The following ROBO1 variants were observed in gnomAD, a reference collection of about 807,000 sequenced individuals.
ROBO1 encodes the protein roundabout guidance receptor 1, also known as roundabout homolog 1.
ROBO1 carries 149 observed loss-of-function variants against 195.9 expected under a neutral mutation model. The ratio of observed to expected loss-of-function variants is 0.76; its 90% CI spans 0.67 to 0.87. The LOEUF (loss-of-function observed/expected upper bound fraction) is 0.87, where lower values mean the gene tolerates loss of function less well. ROBO1 is among the 40% of genes least tolerant of loss of function. ROBO1 has a pLI of 0.00. For missense variants in ROBO1, 1,933 were observed against 2,068.3 expected (o/e 0.93, Z 1.27); for synonymous variants, 816 against 733.2 (o/e 1.11, Z -1.82).
intron 2 of ROBO1, among the ~76,000 whole-genome samples, chr3:79,577,945 A>G (rs1943547266): frequency 6.6e-6 from 1 of 151,866 alleles, no homozygotes; most frequent in African/African-American, 2.4e-5. Flanking sequence ...AAAACCCAAA[A>G]AACAAAAAAC....
chr3:79,352,761 T>C (rs2035392369), intron 2 of ROBO1, among the ~76,000 whole-genome samples: 3 of 152,176 alleles, frequency 2.0e-5, no homozygotes, highest in Admixed American at 6.6e-5. Context: ...GAATCCAACA[T>C]ATTATATAGA....
chr3:79,460,914 A>AT (rs996012997), intron 2 of ROBO1, among the ~76,000 whole-genome samples: 2 of 151,804 alleles, frequency 1.3e-5, no homozygotes, highest in African/African-American at 2.4e-5. Context: ...CGCCCGGCTA[A>AT]TTTTTTTGTA....
intron 1 of ROBO1, among the ~76,000 whole-genome samples, chr3:79,723,330 T>A (rs576053152): frequency 6.6e-6 from 1 of 152,328 alleles, no homozygotes; most frequent in African/African-American, 2.4e-5. Flanking sequence ...TGCTGAAATA[T>A]ATGATGGTTT....
chr3:78,696,705 T>C (rs1418692061), intron 8 of ROBO1, among the ~76,000 whole-genome samples: 2 of 147,600 alleles, frequency 1.4e-5, no homozygotes, highest in Admixed American at 6.8e-5. Flanking sequence ...TATATACACA[T>C]ATATATACAC....
intron 1 of ROBO1, among the ~76,000 whole-genome samples, chr3:79,732,441 C>T (rs1223549153): frequency 6.6e-6 from 1 of 152,046 alleles, no homozygotes; most frequent in Non-Finnish European, 1.5e-5. Flanking sequence ...CAGTCAGCCA[C>T]ATCAAACAGG....
At chr3:79,346,870 A>G (rs1305674798) in intron 2 of ROBO1, among the ~76,000 whole-genome samples, 1 of 151,844 alleles carries the variant, frequency 6.6e-6, no homozygotes, top group Non-Finnish European at 1.5e-5. Flanking sequence ...TTAAAAATAT[A>G]TAGACTATAC....
At chr3:79,261,482 G>A (rs1332672678) in intron 2 of ROBO1, among the ~76,000 whole-genome samples, 2 of 151,312 alleles carry the variant, frequency 1.3e-5, no homozygotes, top group Non-Finnish European at 3.0e-5. Context: ...ATATTCAGTT[G>A]TTGTATATAT....
chr3:79,550,728 T>C (rs1942479864), intron 2 of ROBO1, among the ~76,000 whole-genome samples: 2 of 152,176 alleles, frequency 1.3e-5, no homozygotes, highest in South Asian at 4.1e-4. Context: ...GGAATAAGAA[T>C]GAGTGGGACA....
chr3:78,684,996 C>G (rs1246516772), intron 10 of ROBO1, among the ~76,000 whole-genome samples: 1 of 152,000 alleles, frequency 6.6e-6, no homozygotes, highest in Non-Finnish European at 1.5e-5. Flanking sequence ...AATTTAGCTT[C>G]AGAAGTAAGA....
chr3:79,151,058 G>A (rs1203679040), intron 2 of ROBO1, among the ~76,000 whole-genome samples: 1 of 151,780 alleles, frequency 6.6e-6, no homozygotes, highest in Non-Finnish European at 1.5e-5. Context: ...TAGGTCTCAT[G>A]AGATCTGATG....
At chr3:79,147,734 T>G (rs1263194724) in intron 2 of ROBO1, among the ~76,000 whole-genome samples, 1 of 151,994 alleles carries the variant, frequency 6.6e-6, no homozygotes, top group East Asian at 1.9e-4. Context: ...GGTGCTTAGT[T>G]TCATATACAG....
intron 8 of ROBO1, among the ~76,000 whole-genome samples, chr3:78,699,080 C>T (rs1258333200): frequency 6.6e-6 from 1 of 152,096 alleles, no homozygotes; most frequent in African/African-American, 2.4e-5. Context: ...CCTGGAAATA[C>T]ACAATCAACC....
rs1418013280 is a variant in ROBO1 at position 79,741,626 on chromosome 3, C to A, written c.-51+26126G>T. Reference sequence around the variant, plus strand: ...AAAATGCCATGTGTTGGGAGTGAGGCATTGCTATAAAGATATCTGAAAATG... The same window carrying A: ...AAAATGCCATGTGTTGGGAGTGAGGAATTGCTATAAAGATATCTGAAAATG... On this transcript the variant is annotated intron_variant, in intron 1 of 30. Transcript: ENST00000464233. 4.6e-5 allele frequency among the ~76,000 whole-genome samples: 7 copies of A among 152,252 alleles called. No individual in the cohort carries two copies. The East Asian group carries it at 1.4e-3, about 29-fold the overall frequency.
chr3:78,661,085 A>T lies in ROBO1; in HGVS notation c.2265T>A (p.Phe755Leu), dbSNP rs755137354. Reference protein sequence around the residue: ...VNYEIKARPFFNEFQGADSEI... With the variant: ...VNYEIKARPFLNEFQGADSEI... The stretch of plus-strand genomic sequence containing the variant: ...CACTATCTGCTCCTTGAAATTCATT[A>T]AAAAAAGGGCGAGCCTTAATTTCAT... Residue 755 changes from phenylalanine (F) to leucine (L), a missense_variant, in exon 16 of 31, where the codon TTT (phenylalanine) becomes TTA (leucine). Physicochemically the swap from Phe to Leu is conservative, Grantham distance 22. This residue lies in a region of ROBO1 where 1,737 missense variants were observed against 1,882.5 expected (regional missense o/e 0.92). Coordinates refer to ENST00000464233, the MANE Select transcript of ROBO1 (RefSeq NM_002941.4). 31 of 1,612,084 alleles carry T rather than the reference A, an allele frequency of 1.9e-5. 1 individual carries two copies. Among genetic ancestry groups the T allele is most frequent in the Non-Finnish European group, 9.3e-6 (11 of 1,178,898 alleles).
rs557700582 is a variant in ROBO1 at position 79,449,648 on chromosome 3, C to T, written c.88+140176G>A. On this transcript the variant is annotated intron_variant, in intron 2 of 30. Transcript: ENST00000464233. ...TCTTCATAAATATTTATAAAATCTACTTAAAATATTTGAGTTTTTTTTCTG... is the reference window on the plus strand; with the variant it reads ...TCTTCATAAATATTTATAAAATCTATTTAAAATATTTGAGTTTTTTTTCTG... Among the ~76,000 whole-genome samples the T allele has an allele frequency of 2.0e-5, 3 of 152,130 alleles. No individual in the cohort carries two copies. The South Asian group carries it at 6.2e-4, about 32-fold the overall frequency.
At chr3:79,350,382 T>C (rs961950126) in intron 2 of ROBO1, among the ~76,000 whole-genome samples, 1 of 152,214 alleles carries the variant, frequency 6.6e-6, no homozygotes, top group Non-Finnish European at 1.5e-5. Flanking sequence ...TGAAAACCAC[T>C]GTCCGTTCCT....
At chr3:78,901,133 T>A (rs548005184) in intron 4 of ROBO1, among the ~76,000 whole-genome samples, 44 of 152,250 alleles carry the variant, frequency 2.9e-4, no homozygotes, top group Non-Finnish European at 5.7e-4. Flanking sequence ...TTGCACACGA[T>A]GTCATGCTGA....
chr3:79,617,619 G>T (rs1300546413), intron 1 of ROBO1, among the ~76,000 whole-genome samples: 1 of 152,060 alleles, frequency 6.6e-6, no homozygotes. Flanking sequence ...CTCCAGATGA[G>T]AAGGAATCAG....
chr3:79,563,951 C>A (rs1943008382), intron 2 of ROBO1, among the ~76,000 whole-genome samples: 1 of 151,386 alleles, frequency 6.6e-6, no homozygotes, highest in African/African-American at 2.4e-5. Context: ...TGTAAATTGA[C>A]TCTAATATAG....
Sources: gnomAD v4.1 joint callset for allele counts (sites outside exome capture counted in the v4.1 genomes callset) on GRCh38, gnomAD v4.1.1 for gene constraint, gnomAD v4.1.1 regional missense constraint, MANE v1.5 for transcripts, NCBI Gene and HGNC (gene_info 2026-07-23, HGNC 2026-07-21) for gene names.